The following RGS5 variants were observed in gnomAD, a reference collection of about 807,000 sequenced individuals.
RGS5 encodes the protein regulator of G-protein signalling 5.
RGS5 carries 20 observed loss-of-function variants against 18.9 expected under a neutral mutation model. The observed-to-expected ratio is 1.06, with a 90% confidence interval of 0.74 to 1.54. The LOEUF is 1.54. Ranked by LOEUF, RGS5 falls within the 40% of genes most tolerant of loss-of-function variation. RGS5 has a pLI of 0.00. For synonymous variants in RGS5, 57 were observed against 76.2 expected (o/e 0.75, Z 1.31); for missense variants, 201 against 211.8 (o/e 0.95, Z 0.32).
chr1:163,202,810 G>A lies in RGS5; in HGVS notation c.26C>T (p.Pro9Leu). 1.2e-6 allele frequency: 2 copies of A among 1,613,478 alleles called. No individual in the cohort carries two copies. The highest frequency in any genetic ancestry group is 1.7e-6 in the Non-Finnish European group (2 of 1,179,638). Residue 9 changes from proline (P) to leucine (L), a missense_variant, in exon 1 of 5, where the codon CCC becomes CTC. Pro to Leu is a moderately conservative substitution (Grantham distance 98, BLOSUM62 -3). Coordinates refer to ENST00000313961, the MANE Select transcript of RGS5 (RefSeq NM_003617.4). MCKGLAAL[P>L]HSCLERAKEI... Reference sequence around the variant, plus strand: ...TTCTCACCTTTCCAGGCATGAGTGGGGCAAAGCTGCAAGTCCTTTGCACAT... The same window carrying A: ...TTCTCACCTTTCCAGGCATGAGTGGAGCAAAGCTGCAAGTCCTTTGCACAT...
chr1:163,208,347 CAAAAAAAAAAA>C (rs55848330), intron 1 of RGS5, among the ~76,000 whole-genome samples: 13 of 37,906 alleles, frequency 3.4e-4, no homozygotes, highest in African/African-American at 7.2e-4. Flanking sequence ...GACTCCGTCT[CAAAAAAAAAAA>C]AAAAAAAAAA....
At position 163,299,537 on chromosome 1, in the gene RGS5, T is replaced by C. The variant is rs114125322; in HGVS notation, c.-281+6696A>G. ...AGCTGCCTCATTTGTGAAATGAAGATAATAATGTCAACACAGGGTTATTAT... is the reference window on the plus strand; with the variant it reads ...AGCTGCCTCATTTGTGAAATGAAGACAATAATGTCAACACAGGGTTATTAT... On this transcript the variant is annotated intron_variant, in intron 2 of 5. Coordinates refer to the RGS5 transcript ENST00000618415. Among the ~76,000 whole-genome samples the C allele has an allele frequency of 8.0e-3, 1,223 of 152,306 alleles. 14 individuals are homozygous for C. The highest frequency in any genetic ancestry group is 0.028 in the African/African-American group (1,148 of 41,560).
At chr1:163,303,411 C>T (rs1397612810) in intron 2 of RGS5, among the ~76,000 whole-genome samples, 2 of 152,178 alleles carry the variant, frequency 1.3e-5, no homozygotes, top group Admixed American at 6.5e-5. Flanking sequence ...GTCCAATCTT[C>T]TAGCTTGTGG....
At chr1:163,170,580 T>C (rs372345850) in intron 1 of RGS5, among the ~76,000 whole-genome samples, 2 of 152,116 alleles carry the variant, frequency 1.3e-5, no homozygotes, top group East Asian at 3.9e-4. Flanking sequence ...GGAAAAAAAA[T>C]GTAAGGAAAC....
intron 2 of RGS5, among the ~76,000 whole-genome samples, chr1:163,272,944 A>G (rs544556634): frequency 1.3e-5 from 2 of 152,240 alleles, no homozygotes; most frequent in South Asian, 4.1e-4. Flanking sequence ...CCATTCATTC[A>G]CAATATTTTA....
chr1:163,243,441 A>T (rs1027945622), intron 2 of RGS5, among the ~76,000 whole-genome samples: 4 of 151,934 alleles, frequency 2.6e-5, no homozygotes, highest in Non-Finnish European at 4.4e-5. Context: ...AGATCAGGAG[A>T]TCGAGACCAT....
intron 2 of RGS5, among the ~76,000 whole-genome samples, chr1:163,270,464 G>A (rs1477184121): frequency 1.3e-5 from 2 of 151,326 alleles, no homozygotes; most frequent in Non-Finnish European, 2.9e-5. Context: ...AGGCTGCAAT[G>A]AGCCACAATT....
Position 163,145,551 on chromosome 1 carries a change from G to A in RGS5, c.*1791C>T, listed in dbSNP as rs1657098712. On this transcript the variant is annotated 3_prime_UTR_variant, in exon 5 of 5. Transcript: ENST00000313961. Reference sequence around the variant, plus strand: ...GTAGCATTGATCTGGCCTAGCTCTGGACTGCTTGATGAAGGAGTTTCTTTG... The same window carrying A: ...GTAGCATTGATCTGGCCTAGCTCTGAACTGCTTGATGAAGGAGTTTCTTTG... 1 of 152,084 alleles carries A rather than the reference G, an allele frequency of 6.6e-6. No individual in the cohort carries two copies. The highest frequency in any genetic ancestry group is 1.5e-5 in the Non-Finnish European group (1 of 68,030). The allele number at this position is 152,084 out of a possible 1,614,324, so 9.4% of individuals were successfully genotyped here.
upstream of RGS5, among the ~76,000 whole-genome samples, chr1:163,219,218 C>G (rs1161685332): frequency 1.3e-5 from 2 of 152,192 alleles, no homozygotes; most frequent in Non-Finnish European, 2.9e-5. Context: ...GATTAAGAAA[C>G]AGCACTAAGA....
At chr1:163,179,036 T>A (rs1658687039) in intron 1 of RGS5, among the ~76,000 whole-genome samples, 1 of 152,124 alleles carries the variant, frequency 6.6e-6, no homozygotes, top group Non-Finnish European at 1.5e-5. Flanking sequence ...GTGGCAAAAA[T>A]CCTGTCTCAG....
intron 2 of RGS5, chr1:163,304,534 G>A (rs933629458): frequency 6.6e-6 from 1 of 152,192 alleles, no homozygotes; most frequent in Non-Finnish European, 1.5e-5. Flanking sequence ...TTTCCAAGGA[G>A]GCTAACTGCT....
chr1:163,290,403 T>A (rs749557075), intron 2 of RGS5, among the ~76,000 whole-genome samples: 1 of 152,216 alleles, frequency 6.6e-6, no homozygotes, highest in Non-Finnish European at 1.5e-5. Context: ...ACAAACAATA[T>A]CTGACCATTG....
intron 1 of RGS5, among the ~76,000 whole-genome samples, chr1:163,308,867 T>A (rs527301524): frequency 6.6e-6 from 1 of 152,356 alleles, no homozygotes; most frequent in South Asian, 2.1e-4. Flanking sequence ...TCAGTGCATA[T>A]AAAGAGTTAT....
At chr1:163,296,130 C>G (rs140340349) in intron 2 of RGS5, among the ~76,000 whole-genome samples, 115 of 152,284 alleles carry the variant, frequency 7.6e-4, no homozygotes, top group African/African-American at 2.7e-3. Context: ...ACTACTATTG[C>G]TACACTTATG....
At chr1:163,173,866 G>T (rs143968041) in intron 1 of RGS5, among the ~76,000 whole-genome samples, 1 of 152,068 alleles carries the variant, frequency 6.6e-6, no homozygotes, top group Admixed American at 6.6e-5. Context: ...ATGAGGTCAC[G>T]CATTCAAGAC....
intron 1 of RGS5, among the ~76,000 whole-genome samples, chr1:163,315,994 G>C (rs1300013004): frequency 2.0e-5 from 3 of 152,120 alleles, no homozygotes; most frequent in Non-Finnish European, 4.4e-5. Flanking sequence ...TGAATATGCT[G>C]TATATTCAAA....
At chr1:163,278,956 T>C (rs897614838) in intron 2 of RGS5, among the ~76,000 whole-genome samples, 12 of 152,112 alleles carry the variant, frequency 7.9e-5, no homozygotes, top group Admixed American at 3.3e-4. Flanking sequence ...GGTCACTATA[T>C]AATGATAAAG....
chr1:163,172,040 C>T (rs1313645593), intron 1 of RGS5, among the ~76,000 whole-genome samples: 1 of 152,084 alleles, frequency 6.6e-6, no homozygotes, highest in African/African-American at 2.4e-5. Context: ...ATGAGCGTTC[C>T]AGAGGGAAGG....
upstream of RGS5, among the ~76,000 whole-genome samples, chr1:163,220,242 G>A (rs1269828763): frequency 6.6e-6 from 1 of 151,804 alleles, no homozygotes; most frequent in Non-Finnish European, 1.5e-5. Context: ...TTTTCTACTG[G>A]GTTGTGTACC....
Sources: gnomAD v4.1 joint callset for allele counts (sites outside exome capture counted in the v4.1 genomes callset) on GRCh38, gnomAD v4.1.1 for gene constraint, MANE v1.5 for transcripts, NCBI Gene and HGNC (gene_info 2026-07-23, HGNC 2026-07-21) for gene names.